POU2AF3: variants seen among roughly 807,000 people sequenced by gnomAD.
The protein encoded by POU2AF3 is POU class 2 homeobox associating factor 3, also known as cancer susceptibility candidate 13.
chr11:111,299,907 C>A, the POU2AF3 span: 2 of 441,588 alleles, frequency 4.5e-6, no homozygotes, highest in East Asian at 7.1e-5. Flanking sequence ...CTGGCAGGTA[C>A]CTCGCCGGCC....
At chr11:111,308,730 TACTA>T in the POU2AF3 span, 2 of 229,694 alleles carry the variant, frequency 8.7e-6, no homozygotes. Flanking sequence ...AATTTTGTAT[TACTA>T]ACTGTTGGAT....
the POU2AF3 span, among the ~76,000 whole-genome samples, chr11:111,305,246 G>A: frequency 8.5e-5 from 13 of 152,180 alleles, no homozygotes; most frequent in East Asian, 1.9e-4. Flanking sequence ...GTTCCTCATC[G>A]CCAAGTAACT....
At chr11:111,304,362 A>G in the POU2AF3 span, among the ~76,000 whole-genome samples, 1 of 152,202 alleles carries the variant, frequency 6.6e-6, no homozygotes, top group Non-Finnish European at 1.5e-5. Flanking sequence ...GTTTAATAGG[A>G]AGCCTTTTGC....
the POU2AF3 span, among the ~76,000 whole-genome samples, chr11:111,305,821 G>A: frequency 6.6e-5 from 10 of 152,236 alleles, no homozygotes; most frequent in East Asian, 1.9e-4. Flanking sequence ...TTGTACTTCC[G>A]AGCCAATAGT....
the POU2AF3 span, chr11:111,304,830 T>C: frequency 1.5e-6 from 1 of 650,172 alleles, no homozygotes; most frequent in Non-Finnish European, 2.2e-6. Context: ...TGGCTTACCT[T>C]ATAGCAGAAA....
At chr11:111,308,476 C>A in the POU2AF3 span, 1 of 1,497,622 alleles carries the variant, frequency 6.7e-7, no homozygotes, top group Non-Finnish European at 8.9e-7. Context: ...ATGGGTATAT[C>A]TATTTTTCTA....
At chr11:111,308,556 C>T in the POU2AF3 span, 1 of 1,114,780 alleles carries the variant, frequency 9.0e-7, no homozygotes, top group Non-Finnish European at 1.2e-6. Flanking sequence ...TTACATGTCA[C>T]TATTTCCAAT....
At chr11:111,308,604 C>G in the POU2AF3 span, 8 of 607,530 alleles carry the variant, frequency 1.3e-5, no homozygotes, top group African/African-American at 1.5e-4. Context: ...TCCTCAGACC[C>G]GGTCACAGCG....
At chr11:111,307,261 A>G in the POU2AF3 span, among the ~76,000 whole-genome samples, 1 of 152,278 alleles carries the variant, frequency 6.6e-6, no homozygotes, top group East Asian at 1.9e-4. Flanking sequence ...TAAGGTTTCT[A>G]TTAGTGGAAA....
chr11:111,299,103 C>T, the POU2AF3 span: 3 of 969,280 alleles, frequency 3.1e-6, no homozygotes, highest in Admixed American at 6.1e-5. Flanking sequence ...GCCCTGCGGG[C>T]GGGGCACGGG....
the POU2AF3 span, chr11:111,299,970 C>G: frequency 3.0e-5 from 12 of 399,714 alleles, no homozygotes; most frequent in East Asian, 3.6e-4. Context: ...GCTTCCAGAC[C>G]AAGGGCACGC....
chr11:111,304,499 G>GA, the POU2AF3 span, among the ~76,000 whole-genome samples: 3 of 152,070 alleles, frequency 2.0e-5, no homozygotes, highest in African/African-American at 7.2e-5. Flanking sequence ...CCCCAAGCAA[G>GA]CAAACATAAA....
At chr11:111,304,291 A>C in the POU2AF3 span, among the ~76,000 whole-genome samples, 1 of 149,390 alleles carries the variant, frequency 6.7e-6, no homozygotes, top group South Asian at 2.1e-4. Flanking sequence ...AAAATAATTG[A>C]CTAAGCCATA....
chr11:111,307,708 G>A, the POU2AF3 span, among the ~76,000 whole-genome samples: 22 of 152,304 alleles, frequency 1.4e-4, no homozygotes, highest in African/African-American at 5.3e-4. Context: ...AACATCCAGG[G>A]TGCCACCTAC....
chr11:111,302,238 T>A, the POU2AF3 span, among the ~76,000 whole-genome samples: 1 of 152,340 alleles, frequency 6.6e-6, no homozygotes, highest in African/African-American at 2.4e-5. Flanking sequence ...CTGTTGGCTC[T>A]TTATGCTCTA....
the POU2AF3 span, among the ~76,000 whole-genome samples, chr11:111,301,954 G>A: frequency 1.3e-5 from 2 of 152,190 alleles, no homozygotes; most frequent in Admixed American, 6.5e-5. Context: ...GGCATATACA[G>A]CACATGCAGC....
chr11:111,298,557 AC>A, the POU2AF3 span: 1 of 1,246,412 alleles, frequency 8.0e-7, no homozygotes, highest in East Asian at 3.2e-5. Context: ...GCATCCAGCC[AC>A]CGACCCAGCT....
the POU2AF3 span, chr11:111,298,766 G>A: frequency 1.8e-6 from 2 of 1,142,722 alleles, no homozygotes; most frequent in South Asian, 9.1e-5. Context: ...CTCAGCGCCT[G>A]TCCCGGAGGG....
At chr11:111,299,265 T>C in the POU2AF3 span, 680,937 of 986,238 alleles carry the variant, frequency 0.69, 235,582 homozygotes, top group South Asian at 0.82. Flanking sequence ...TCTCCAGGCG[T>C]CCAGGCTGAA....
Sources: allele counts gnomAD v4.1 joint callset (sites outside exome capture counted in the v4.1 genomes callset), GRCh38; gene constraint gnomAD v4.1.1; transcripts MANE v1.5; gene names NCBI Gene and HGNC (gene_info 2026-07-23, HGNC 2026-07-21).